Variants in DCAF4 observed in about 807,000 individuals in gnomAD.
The protein encoded by DCAF4 is DDB1- and CUL4-associated factor 4.
A neutral mutation model predicts 60.9 loss-of-function variants in DCAF4; 37 were observed. That is an observed-to-expected ratio of 0.61 (90% CI 0.47 to 0.80). The LOEUF (loss-of-function observed/expected upper bound fraction) is 0.80. Ranked by LOEUF, DCAF4 falls within the 30% of genes least tolerant of loss-of-function variation. The pLI is 0.00. For missense variants in DCAF4, 577 were observed against 650.0 expected (o/e 0.89, Z 1.22); for synonymous variants, 243 against 254.8 (o/e 0.95, Z 0.44).
chr14:72,936,540 G>A (rs1384838290), intron 1 of DCAF4, among the ~76,000 whole-genome samples: 1 of 150,122 alleles, frequency 6.7e-6, no homozygotes, highest in East Asian at 2.0e-4. Context: ...CTCCAGCCTG[G>A]GCAACAGAGC....
intron 1 of DCAF4, among the ~76,000 whole-genome samples, chr14:72,937,410 C>CTTTTTTTTT (rs11288108): frequency 9.5e-6 from 1 of 105,752 alleles, no homozygotes; most frequent in African/African-American, 3.6e-5. Context: ...TTTTTCTTTT[C>CTTTTTTTTT]TTTTTTTTTT....
chr14:72,932,143 C>T (rs1888665795), intron 1 of DCAF4, among the ~76,000 whole-genome samples: 1 of 152,076 alleles, frequency 6.6e-6, no homozygotes, highest in Non-Finnish European at 1.5e-5. Context: ...TGTGCACCAC[C>T]ACGCCTAACT....
intron 4 of DCAF4, among the ~76,000 whole-genome samples, chr14:72,941,341 C>T (rs1471969158): frequency 6.6e-6 from 1 of 152,134 alleles, no homozygotes; most frequent in Non-Finnish European, 1.5e-5. Context: ...CAATACAGAC[C>T]AACAGGTCTA....
Position 72,934,266 on chromosome 14 carries a change from G to A in DCAF4, c.-8-3705G>A, listed in dbSNP as rs537254869. ...CCTCCCGGGTTCAAGCGATTCTCCT[G>A]CCTCAGCCTCCCAAGTAGTGGGGAT... On this transcript the variant is annotated intron_variant, in intron 1 of 13. Transcript: ENST00000358377. Among the ~76,000 whole-genome samples, 205 of 151,620 alleles carry A rather than the reference G, an allele frequency of 1.4e-3. 2 individuals are homozygous for A. Among genetic ancestry groups the A allele is most frequent in the African/African-American group, 4.8e-3 (199 of 41,246 alleles).
At position 72,943,019 on chromosome 14, in the gene DCAF4, T is replaced by C; in HGVS notation, c.457T>C (p.Cys153Arg). 6.2e-7 allele frequency: 1 copy of C among 1,614,212 alleles called. No individual in the cohort carries two copies. The highest frequency in any genetic ancestry group is 8.5e-7 in the Non-Finnish European group (1 of 1,180,032). ...CHLAHELRLS[C>R]MERKKVQIRS... ...TTTAGCCCACGAGCTGCGTCTCAGC[T>C]GCATGGAGAGGAAAAAGGTCCAGAT... The change falls in exon 6 of 14, where the codon TGC (cysteine) becomes CGC (arginine). Residue 153 changes from cysteine to arginine, a missense_variant. Transcript: ENST00000358377.
chr14:72,943,270 G>A (rs1037754535), intron 6 of DCAF4, among the ~76,000 whole-genome samples, 174 bp downstream of exon 6: 2 of 152,192 alleles, frequency 1.3e-5, no homozygotes, highest in Non-Finnish European at 2.9e-5. Flanking sequence ...GCTGGGAGAC[G>A]CTGAGCTGGC....
At chr14:72,944,588 T>C (rs2140253616) in intron 6 of DCAF4, among the ~76,000 whole-genome samples, 1 of 152,186 alleles carries the variant, frequency 6.6e-6, no homozygotes, top group East Asian at 1.9e-4. Context: ...AGCCCAAAAG[T>C]TTGAGACCAG....
At chr14:72,940,142 G>A in intron 3 of DCAF4, 78 bp from the exon 4 acceptor site, 4 of 1,566,156 alleles carry the variant, frequency 2.6e-6, no homozygotes, top group South Asian at 2.3e-5. Flanking sequence ...GAGGTGGGGG[G>A]ACAGGCCACT....
At chr14:72,940,534 G>A (rs1351992165) in intron 4 of DCAF4, 157 bp downstream of exon 4, 3 of 627,374 alleles carry the variant, frequency 4.8e-6, no homozygotes, top group Non-Finnish European at 4.9e-6. Context: ...AAGAAGACAA[G>A]AATAAGAACA....
chr14:72,945,156 G>C (rs1890561829), intron 6 of DCAF4, among the ~76,000 whole-genome samples: 2 of 152,054 alleles, frequency 1.3e-5, no homozygotes, highest in African/African-American at 4.8e-5. Context: ...ACTTTGGGTG[G>C]CTGAGGCAGA....
chr14:72,928,929 C>G (rs188018284), intron 1 of DCAF4, among the ~76,000 whole-genome samples: 1 of 151,996 alleles, frequency 6.6e-6, no homozygotes, highest in Non-Finnish European at 1.5e-5. Flanking sequence ...GAGTTTTGGC[C>G]CCGTGCTAAG....
chr14:72,932,906 T>G (rs921088411), intron 1 of DCAF4, among the ~76,000 whole-genome samples: 2 of 151,624 alleles, frequency 1.3e-5, no homozygotes, highest in Non-Finnish European at 2.9e-5. Flanking sequence ...CTTTCTTTTT[T>G]TTAATGTTGT....
At position 72,943,036 on chromosome 14, in the gene DCAF4, G is replaced by A. The variant is rs780451561; in HGVS notation, c.474G>A (p.Lys158=). Residue 158 remains lysine, a synonymous_variant, in exon 6 of 14, where the codon AAG becomes AAA. Coordinates refer to ENST00000358377, the MANE Select transcript of DCAF4 (RefSeq NM_015604.4). ...ELRLSCMERK[K]VQIRSMDPSA... is the part of the protein sequence containing the mutation. Reference sequence around the variant, plus strand: ...GTCTCAGCTGCATGGAGAGGAAAAAGGTCCAGATTCGAAGCATGGATCCCT... The same window carrying A: ...GTCTCAGCTGCATGGAGAGGAAAAAAGTCCAGATTCGAAGCATGGATCCCT... 3.6e-5 allele frequency: 58 copies of A among 1,614,078 alleles called. 1 individual carries two copies. The South Asian group carries it at 6.4e-4, about 18-fold the overall frequency.
At chr14:72,960,626 G>A, downstream of DCAF4, 1 of 1,060,830 alleles carries the variant, frequency 9.4e-7, no homozygotes, top group Non-Finnish European at 1.2e-6. Context: ...AGGGATGGCT[G>A]GATAGTAGAA....
At chr14:72,932,417 A>AG (rs958907544) in intron 1 of DCAF4, among the ~76,000 whole-genome samples, 2 of 152,260 alleles carry the variant, frequency 1.3e-5, no homozygotes, top group African/African-American at 2.4e-5. Context: ...AGTTCCCAGA[A>AG]GGAAGGCATG....
chr14:72,961,210 C>T (rs1475052080), downstream of DCAF4, among the ~76,000 whole-genome samples: 1 of 152,088 alleles, frequency 6.6e-6, no homozygotes, highest in Non-Finnish European at 1.5e-5. Context: ...ACTAACCCCA[C>T]GGCACAGTTT....
downstream of DCAF4, chr14:72,961,930 G>A (rs1047282683): frequency 9.6e-6 from 11 of 1,144,618 alleles, 1 homozygote; most frequent in African/African-American, 1.7e-5. Context: ...TGGCTACCGC[G>A]GGAACACCCC....
intron 9 of DCAF4, among the ~76,000 whole-genome samples, chr14:72,953,862 C>T (rs1352740909): frequency 1.5e-5 from 2 of 137,828 alleles, no homozygotes; most frequent in Non-Finnish European, 1.5e-5. Flanking sequence ...GATCACATAG[C>T]TGGTAGGTGA....
rs762574209 is a variant in DCAF4 at position 72,954,261 on chromosome 14, A to T, written c.906A>T (p.Thr302=). 2 of 1,614,196 alleles carry T rather than the reference A, an allele frequency of 1.2e-6. No homozygotes were observed. The highest frequency in any genetic ancestry group is 1.7e-6 in the Non-Finnish European group (2 of 1,180,028). Reference sequence around the variant, plus strand: ...TCCAAGCAAATAACTGCTTCAGTACAGGTGAGCCTGGCTCCCCAGGTGCCC... The same window carrying T: ...TCCAAGCAAATAACTGCTTCAGTACTGGTGAGCCTGGCTCCCCAGGTGCCC... ...LNIQANNCFS[T]GLSRRVLLTN... is the part of the protein sequence containing the mutation. Residue 302 remains threonine (T), a splice_region_variant and synonymous_variant, in exon 10 of 14, where the codon ACA becomes ACT. Transcript: ENST00000358377.
Sources: allele counts gnomAD v4.1 joint callset (sites outside exome capture counted in the v4.1 genomes callset), GRCh38; gene constraint gnomAD v4.1.1; transcripts MANE v1.5; gene names NCBI Gene and HGNC (gene_info 2026-07-23, HGNC 2026-07-21).